Variants in DLG2 observed in about 807,000 individuals in gnomAD.
DLG2 encodes the protein disks large homolog 2.
A neutral mutation model predicts 132.5 loss-of-function variants in DLG2; 45 were observed. The ratio of observed to expected loss-of-function variants is 0.34; its 90% CI spans 0.27 to 0.44. The LOEUF is 0.44. Ranked by LOEUF, DLG2 falls within the 20% of genes least tolerant of loss-of-function variation. The pLI is 1.00. For synonymous variants in DLG2, 424 were observed against 419.6 expected, an observed-to-expected ratio of 1.01 and a Z score of -0.13; for missense variants, 1,045 against 1,196.9, an observed-to-expected ratio of 0.87 and a Z score of 1.87.
chr11:84,694,825 G>C (rs955867926), intron 6 of DLG2, among the ~76,000 whole-genome samples: 1 of 151,434 alleles, frequency 6.6e-6, no homozygotes, highest in Non-Finnish European at 1.5e-5. Context: ...ATACAGAGTG[G>C]GGGTGAAACT....
At chr11:83,689,634 A>C (rs971489683) in intron 18 of DLG2, among the ~76,000 whole-genome samples, 15 of 152,046 alleles carry the variant, frequency 9.9e-5, no homozygotes, top group African/African-American at 3.6e-4. Context: ...AATGTAAACT[A>C]TCTTGTTTCT....
At chr11:85,623,092 A>G (rs959693472) in intron 2 of DLG2, among the ~76,000 whole-genome samples, 6 of 152,006 alleles carry the variant, frequency 3.9e-5, no homozygotes, top group Non-Finnish European at 8.8e-5. Flanking sequence ...ATTATATAAC[A>G]TTCTTCAGCT....
chr11:83,782,952 T>C (rs1049400031), intron 18 of DLG2, among the ~76,000 whole-genome samples: 1 of 152,170 alleles, frequency 6.6e-6, no homozygotes, highest in Admixed American at 6.5e-5. Context: ...TAACTGGGTA[T>C]AGGTAATTAA....
At chr11:84,530,119 T>A (rs974593397) in intron 7 of DLG2, among the ~76,000 whole-genome samples, 1 of 152,154 alleles carries the variant, frequency 6.6e-6, no homozygotes, top group East Asian at 1.9e-4. Context: ...AACCCCTTCC[T>A]TATACCACGT....
intron 8 of DLG2, among the ~76,000 whole-genome samples, chr11:84,181,713 G>C (rs1358695560): frequency 6.6e-6 from 1 of 152,094 alleles, no homozygotes; most frequent in Non-Finnish European, 1.5e-5. Flanking sequence ...CTAATCAAAA[G>C]AAAGTGGGAG....
At chr11:84,968,783 G>A (rs1221356285) in intron 6 of DLG2, among the ~76,000 whole-genome samples, 1 of 152,016 alleles carries the variant, frequency 6.6e-6, no homozygotes, top group African/African-American at 2.4e-5. Context: ...GATTTATTAT[G>A]GCTACCCAAC....
At chr11:85,600,632 G>A (rs2080086459) in intron 2 of DLG2, among the ~76,000 whole-genome samples, 1 of 152,060 alleles carries the variant, frequency 6.6e-6, no homozygotes, top group African/African-American at 2.4e-5. Flanking sequence ...AGCCAACTTA[G>A]GGTTATAACT....
intron 6 of DLG2, among the ~76,000 whole-genome samples, chr11:85,082,185 G>T (rs2067316693): frequency 6.6e-6 from 1 of 152,080 alleles, no homozygotes; most frequent in African/African-American, 2.4e-5. Flanking sequence ...GAGGGCTCCT[G>T]CTCCCTAAAC....
At chr11:84,236,599 C>G (rs936411662) in intron 8 of DLG2, among the ~76,000 whole-genome samples, 7 of 152,206 alleles carry the variant, frequency 4.6e-5, no homozygotes, top group Non-Finnish European at 7.3e-5. Context: ...AGGGGTGTTT[C>G]ATTAACTTGA....
At chr11:83,633,730 T>G (rs889464463) in intron 18 of DLG2, among the ~76,000 whole-genome samples, 1 of 110,378 alleles carries the variant, frequency 9.1e-6, no homozygotes, top group African/African-American at 3.5e-5. Flanking sequence ...TGTGATAAAA[T>G]TACACAGAAC....
intron 3 of DLG2, among the ~76,000 whole-genome samples, chr11:85,322,532 G>A (rs1346323624): frequency 1.3e-5 from 2 of 152,032 alleles, no homozygotes; most frequent in Non-Finnish European, 2.9e-5. Flanking sequence ...TCCCTATGTA[G>A]ACTGTTCTCT....
At chr11:84,396,120 A>AACTT (rs1468054898) in intron 7 of DLG2, among the ~76,000 whole-genome samples, 1 of 152,146 alleles carries the variant, frequency 6.6e-6, no homozygotes, top group African/African-American at 2.4e-5. Context: ...GTGATGTTAG[A>AACTT]ACTTATTTAC....
intron 11 of DLG2, among the ~76,000 whole-genome samples, chr11:83,988,145 C>A (rs918863452): frequency 3.3e-5 from 5 of 152,064 alleles, no homozygotes; most frequent in Non-Finnish European, 2.9e-5. Context: ...TTAATTAAAT[C>A]CTGTTTGTCA....
intron 15 of DLG2, among the ~76,000 whole-genome samples, chr11:83,886,032 T>G (rs2067760936): frequency 6.6e-6 from 1 of 152,190 alleles, no homozygotes; most frequent in Non-Finnish European, 1.5e-5. Flanking sequence ...AGGAAGAAAC[T>G]GCATCAACTA....
intron 7 of DLG2, among the ~76,000 whole-genome samples, chr11:84,469,885 G>A (rs189019079): frequency 5.3e-5 from 8 of 151,660 alleles, no homozygotes; most frequent in Non-Finnish European, 7.4e-5. Context: ...AGGTGATTTC[G>A]GTGTTGTACG....
intron 9 of DLG2, among the ~76,000 whole-genome samples, chr11:84,162,313 T>C (rs1484734716): frequency 6.6e-6 from 1 of 151,976 alleles, no homozygotes; most frequent in African/African-American, 2.4e-5. Context: ...TGAGTGTATT[T>C]ATGTATATAT....
intron 4 of DLG2, among the ~76,000 whole-genome samples, chr11:85,258,769 CT>C (rs1317279721): frequency 6.6e-6 from 1 of 152,102 alleles, no homozygotes; most frequent in Non-Finnish European, 1.5e-5. Flanking sequence ...AGGACAGAAG[CT>C]CTTTAGGATC....
rs111515961 is a variant in DLG2 at position 85,339,721 on chromosome 11, T to G, written c.41-54356A>C. ...TGTCCCTCAGTCTTTAAGACTTCTT[T>G]GTATATTAAGAATATTAGCCCTTTG... On this transcript the variant is annotated intron_variant, in intron 3 of 27. Coordinates refer to ENST00000376104, the MANE Select transcript of DLG2 (RefSeq NM_001142699.3). 2.3e-3 allele frequency among the ~76,000 whole-genome samples: 352 copies of G among 152,362 alleles called. 3 individuals are homozygous for G. The highest frequency in any genetic ancestry group is 8.2e-3 in the African/African-American group (340 of 41,584).
chr11:85,280,654 C>A (rs551100228), intron 4 of DLG2, among the ~76,000 whole-genome samples: 18 of 151,856 alleles, frequency 1.2e-4, no homozygotes, highest in Non-Finnish European at 2.5e-4. Flanking sequence ...CATTTTTTTA[C>A]ACCAAAAAAA....
Sources: gnomAD v4.1 joint callset for allele counts (sites outside exome capture counted in the v4.1 genomes callset) on GRCh38, gnomAD v4.1.1 for gene constraint, MANE v1.5 for transcripts, NCBI Gene and HGNC (gene_info 2026-07-23, HGNC 2026-07-21) for gene names.